The following USP3 variants were observed in gnomAD, a reference collection of about 807,000 sequenced individuals.
USP3 encodes ubiquitin carboxyl-terminal hydrolase 3.
In USP3, 20 loss-of-function variants were observed where a neutral mutation model predicts 72.3. The observed-to-expected ratio is 0.28, with a 90% CI of 0.19 to 0.40. The LOEUF is 0.40. Among genes scored for constraint, USP3 ranks in the 10% least tolerant of loss-of-function variants. The pLI, the probability that USP3 is intolerant of heterozygous loss-of-function variation, is 1.00. For missense variants in USP3, 479 were observed against 633.9 expected, an observed-to-expected ratio of 0.76 and a Z score of 2.62; for synonymous variants, 222 against 225.3, an observed-to-expected ratio of 0.99 and a Z score of 0.13.
At chr15:63,589,109 T>C in intron 14 of USP3, 98 bp downstream of exon 14, 4 of 1,385,936 alleles carry the variant, frequency 2.9e-6, no homozygotes, top group Non-Finnish European at 4.1e-6. Context: ...TCCTAAAAAA[T>C]GGATTCAGAT....
At chr15:63,554,384 T>C (rs963787763) in intron 4 of USP3, among the ~76,000 whole-genome samples, 8 of 152,206 alleles carry the variant, frequency 5.3e-5, no homozygotes, top group Non-Finnish European at 1.0e-4. Context: ...GAACAGACTT[T>C]TATTGGTATA....
rs375167852 is a variant in USP3 at position 63,547,848 on chromosome 15, G to T, written c.285-5867G>T. Among the ~76,000 whole-genome samples the T allele has an allele frequency of 1.1e-3, 94 of 88,272 alleles. 4 individuals carry two copies. The highest frequency in any genetic ancestry group is 4.7e-3 in the African/African-American group (90 of 18,978). 57.9% of individuals were successfully genotyped at this position (88,272 alleles called of 152,430 possible). A position where few individuals can be genotyped will look rare whatever the true frequency, so the allele number is the denominator to read the frequency against. On this transcript the variant is annotated intron_variant, in intron 3 of 14. Transcript: ENST00000380324. ...AGAGAGAGAGAGAGGGAGGGAGGGA[G>T]AGAGAGAGAGAGAGGCATAGAGAGA...
chr15:63,504,623 C>G lies in USP3; in HGVS notation c.-117C>G. 2 of 847,220 alleles carry G rather than the reference C, an allele frequency of 2.4e-6. No homozygotes were observed. Among genetic ancestry groups the G allele is most frequent in the Non-Finnish European group, 3.4e-6 (2 of 583,956 alleles). The allele number at this position is 847,220 out of a possible 1,614,324, so 52.5% of individuals were successfully genotyped here. On this transcript the variant is annotated 5_prime_UTR_variant, in exon 1 of 15. Transcript: ENST00000380324. The stretch of plus-strand genomic sequence containing the variant: ...TTTGACGCAAGGGCTCGAGACGCAG[C>G]CGCCGTCGGCCGAGCGCCCGGCTAG...
At chr15:63,573,676 C>T (rs1339308248) in intron 9 of USP3, among the ~76,000 whole-genome samples, 1 of 152,100 alleles carries the variant, frequency 6.6e-6, no homozygotes, top group African/African-American at 2.4e-5. Context: ...GCAAAGATTC[C>T]AATACAAGGC....
Position 63,570,688 on chromosome 15 carries a change from C to T in USP3, c.908+109C>T. On this transcript the variant is annotated intron_variant, in intron 9 of 14. Coordinates refer to ENST00000380324, the MANE Select transcript of USP3 (RefSeq NM_006537.4). This position sits in a 1 kb window ranked among gnomAD's most constrained non-coding sequence, Gnocchi z 4.4. ...GGTAGAGGGGTTTCTTGGACATTTG[C>T]TGGAACTTTTCGTGCCCTTGAACTT... 1 of 1,484,918 alleles carries T rather than the reference C, an allele frequency of 6.7e-7. No individual in the cohort carries two copies. The highest frequency in any genetic ancestry group is 9.0e-7 in the Non-Finnish European group (1 of 1,112,102). 92.0% of individuals were successfully genotyped at this position (1,484,918 alleles called of 1,614,324 possible).
intron 1 of USP3, among the ~76,000 whole-genome samples, chr15:63,514,652 C>T (rs1305456560): frequency 6.6e-6 from 1 of 152,042 alleles, no homozygotes; most frequent in Non-Finnish European, 1.5e-5. Flanking sequence ...GCCTATTGTT[C>T]TCCAAGGAAA....
intron 1 of USP3, among the ~76,000 whole-genome samples, chr15:63,516,182 A>G (rs2065848254): frequency 6.6e-6 from 1 of 152,128 alleles, no homozygotes; most frequent in Non-Finnish European, 1.5e-5. Flanking sequence ...TTTTCTCTTA[A>G]ATGTTCCTTT....
intron 11 of USP3, among the ~76,000 whole-genome samples, chr15:63,579,286 A>G (rs1242839955): frequency 6.6e-6 from 1 of 152,222 alleles, no homozygotes; most frequent in Non-Finnish European, 1.5e-5. Flanking sequence ...GATTTATTCA[A>G]AAATTCCTCT....
rs1432479990 is a variant in USP3, at chr15:63,588,492, A to ATAAC, written c.1215+71_1215+74dup. 1.7e-6 allele frequency: 2 copies of ATAAC among 1,176,998 alleles called. No individual in the cohort carries two copies. Among genetic ancestry groups the ATAAC allele is most frequent in the Non-Finnish European group, 2.5e-6 (2 of 812,040 alleles). The allele number at this position is 1,176,998 out of a possible 1,614,324, so 72.9% of individuals were successfully genotyped here. A position where few individuals can be genotyped will look rare whatever the true frequency, so the allele number is the denominator to read the frequency against. ...GTGCTTGACTGCTAAGACCATGTCT[A>ATAAC]TAACTTTACACTATGTGAACTGTTC... On this transcript the variant is annotated intron_variant, in intron 12 of 14. Coordinates refer to ENST00000380324, the MANE Select transcript of USP3 (RefSeq NM_006537.4). The surrounding 1 kb of genome is among the most constrained non-coding windows in gnomAD (Gnocchi z 4.6).
At chr15:63,536,619 C>T (rs188251486) in intron 2 of USP3, among the ~76,000 whole-genome samples, 697 of 151,714 alleles carry the variant, frequency 4.6e-3, no homozygotes, top group Non-Finnish European at 7.9e-3. Context: ...GGAGCATAGG[C>T]GGGTGGATCA....
At chr15:63,565,456 G>C (rs1315049388) in intron 8 of USP3, among the ~76,000 whole-genome samples, 1 of 152,154 alleles carries the variant, frequency 6.6e-6, no homozygotes, top group African/African-American at 2.4e-5. Flanking sequence ...ATACTTTAAA[G>C]TGTATTTTCT....
At position 63,590,539 on chromosome 15, in the gene USP3, GC is replaced by G. The variant is rs2067176521; in HGVS notation, c.1398-121del. On this transcript the variant is annotated intron_variant, in intron 14 of 14. Coordinates refer to ENST00000380324, the MANE Select transcript of USP3 (RefSeq NM_006537.4). Reference sequence around the variant, plus strand: ...GAAGGTAAAAACATTAATTTAACAAGCATCTTAAATCAAAAGTCTAGGATGT... The same window carrying G: ...GAAGGTAAAAACATTAATTTAACAAGATCTTAAATCAAAAGTCTAGGATGT... 6.2e-6 allele frequency: 6 copies of G among 968,660 alleles called. No individual in the cohort carries two copies. The Middle Eastern group carries it at 1.3e-3, about 206-fold the overall frequency. 60.0% of individuals were successfully genotyped at this position (968,660 alleles called of 1,614,324 possible). A position where few individuals can be genotyped will look rare whatever the true frequency, so the allele number is the denominator to read the frequency against.
chr15:63,517,828 GAC>G (rs370364692), intron 1 of USP3, among the ~76,000 whole-genome samples: 27 of 152,294 alleles, frequency 1.8e-4, no homozygotes, highest in East Asian at 1.3e-3. Context: ...CTTCCTGGCT[GAC>G]ACTCAGGCCA....
In USP3 at chr15:63,589,194, G is replaced by A. The variant is rs2067136693; in HGVS notation, c.1397+183G>A. Reference sequence around the variant, plus strand: ...ATGATGTTGTGAAGGCTTAAGGGAAGGTAAATAAAAGTGAAATGAAGAATG... The same window carrying A: ...ATGATGTTGTGAAGGCTTAAGGGAAAGTAAATAAAAGTGAAATGAAGAATG... On this transcript the variant is annotated intron_variant, in intron 14 of 14. Transcript: ENST00000380324. The A allele has an allele frequency of 1.3e-5, 8 of 617,700 alleles. No homozygotes were observed. The East Asian group carries it at 2.3e-4, about 17-fold the overall frequency. The allele number at this position is 617,700 out of a possible 1,614,324, so 38.3% of individuals were successfully genotyped here.
chr15:63,511,366 C>T (rs548914560), intron 1 of USP3, among the ~76,000 whole-genome samples: 1 of 148,822 alleles, frequency 6.7e-6, no homozygotes, highest in South Asian at 2.2e-4. Context: ...TTAAATAATT[C>T]CTTTGAAGAT....
rs1005560354 is a variant in USP3, at chr15:63,504,642, C to G, written c.-98C>G. The G allele has an allele frequency of 2.8e-6, 3 of 1,082,524 alleles. No individual in the cohort carries two copies. Among genetic ancestry groups the G allele is most frequent in the South Asian group, 1.8e-5 (1 of 54,908 alleles). The allele number at this position is 1,082,524 out of a possible 1,614,324, so 67.1% of individuals were successfully genotyped here. On this transcript the variant is annotated 5_prime_UTR_variant, in exon 1 of 15. Transcript: ENST00000380324. Reference sequence around the variant, plus strand: ...ACGCAGCCGCCGTCGGCCGAGCGCCCGGCTAGAAGCGACACCAGACGGAGC... The same window carrying G: ...ACGCAGCCGCCGTCGGCCGAGCGCCGGGCTAGAAGCGACACCAGACGGAGC...
chr15:63,573,091 T>C (rs2066805578), intron 9 of USP3, among the ~76,000 whole-genome samples: 1 of 152,224 alleles, frequency 6.6e-6, no homozygotes, highest in East Asian at 1.9e-4. Flanking sequence ...TTCCATTGTA[T>C]GTCCATACTC....
At chr15:63,511,495 G>GGAATTGGT (rs1460540375) in intron 1 of USP3, among the ~76,000 whole-genome samples, 1 of 152,130 alleles carries the variant, frequency 6.6e-6, no homozygotes, top group Non-Finnish European at 1.5e-5. Context: ...GTTGGAACAA[G>GGAATTGGT]GAATTGGTGA....
At position 63,555,927 on chromosome 15, in the gene USP3, G is replaced by A. The variant is rs151049675; in HGVS notation, c.369-740G>A. 1.4e-4 allele frequency among the ~76,000 whole-genome samples: 22 copies of A among 152,204 alleles called. No homozygotes were observed. The East Asian group carries it at 1.7e-3, about 12-fold the overall frequency. On this transcript the variant is annotated intron_variant, in intron 4 of 14. Coordinates refer to ENST00000380324, the MANE Select transcript of USP3 (RefSeq NM_006537.4). ...TTTTAGAAGGTGGGAGAGAATTGGC[G>A]GCCTTAAAAGTCTGTGTTGTTTAAC...
Sources: gnomAD v4.1 joint callset for allele counts (sites outside exome capture counted in the v4.1 genomes callset) on GRCh38, gnomAD v4.1.1 for gene constraint, Gnocchi (gnomAD v3.1) non-coding constraint, MANE v1.5 for transcripts, NCBI Gene and HGNC (gene_info 2026-07-23, HGNC 2026-07-21) for gene names.